EDIL3: variants seen among roughly 807,000 people sequenced by gnomAD.
EDIL3 encodes EGF like and discoidin domains 3.
A neutral mutation model predicts 67.4 loss-of-function variants in EDIL3; 37 were observed. The ratio of observed to expected loss-of-function variants is 0.55; its 90% confidence interval spans 0.42 to 0.72. EDIL3 has a LOEUF of 0.72. Among genes scored for constraint, EDIL3 ranks in the 30% least tolerant of loss-of-function variants. The probability of loss-of-function intolerance (pLI) is 0.00; values close to 1 mark genes in which losing one functional copy is unlikely to be tolerated. For missense variants in EDIL3, 527 were observed against 586.3 expected (o/e 0.90, Z 1.04); for synonymous variants, 195 against 196.3 (o/e 0.99, Z 0.05).
chr5:83,944,665 T>A (rs1208678803), intron 10 of EDIL3, among the ~76,000 whole-genome samples: 2 of 151,936 alleles, frequency 1.3e-5, no homozygotes, highest in African/African-American at 4.8e-5. Flanking sequence ...CTATTTTATA[T>A]CTACATTTTT....
At chr5:83,968,412 T>G (rs1010464783) in intron 9 of EDIL3, among the ~76,000 whole-genome samples, 5 of 152,118 alleles carry the variant, frequency 3.3e-5, no homozygotes, top group Non-Finnish European at 5.9e-5. Context: ...CAATTGCTTT[T>G]TTCATGTAAT....
rs566211766 is a variant in EDIL3 at position 84,229,984 on chromosome 5, A to T, written c.197-100T>A. The T allele has an allele frequency of 1.3e-4, 147 of 1,098,520 alleles. 1 individual carries two copies. In the South Asian group the frequency reaches 2.2e-3, roughly 16 times the overall value. 68.0% of individuals were successfully genotyped at this position (1,098,520 alleles called of 1,614,324 possible). A position where few individuals can be genotyped will look rare whatever the true frequency, so the allele number is the denominator to read the frequency against. On this transcript the variant is annotated intron_variant, in intron 2 of 10. Coordinates refer to ENST00000296591, the MANE Select transcript of EDIL3 (RefSeq NM_005711.5). ...AGAGAAAAAGAGATATTGAGATTGA[A>T]CATAAATATATTTCACATTTCCAAA...
intron 5 of EDIL3, among the ~76,000 whole-genome samples, chr5:84,111,011 G>T (rs1415240466): frequency 1.3e-5 from 2 of 152,128 alleles, no homozygotes; most frequent in Non-Finnish European, 2.9e-5. Context: ...ACTGGATCAT[G>T]GGGACGGGCT....
At chr5:84,003,997 G>GAAA (rs367584038) in intron 9 of EDIL3, among the ~76,000 whole-genome samples, 4 of 119,402 alleles carry the variant, frequency 3.4e-5, no homozygotes, top group African/African-American at 1.2e-4. Context: ...CAAGCAAAAA[G>GAAA]AAAAAAAAAA....
chr5:84,153,823 T>C (rs1228928911), intron 4 of EDIL3, among the ~76,000 whole-genome samples: 2 of 152,210 alleles, frequency 1.3e-5, no homozygotes, highest in Non-Finnish European at 2.9e-5. Context: ...TGTTCTGTAG[T>C]CATGTTCCAG....
chr5:83,963,348 C>A lies in EDIL3; in HGVS notation c.1150G>T (p.Val384Phe). The A allele has an allele frequency of 6.3e-7, 1 of 1,599,324 alleles. No homozygotes were observed. The highest frequency in any genetic ancestry group is 8.5e-7 in the Non-Finnish European group (1 of 1,174,474). ...ATGATGCCAGTCACTTTGGTTGGAA[C>A]AAGAAGATCCACCTTAAAAAAAAGA... ...QSQWLQVDLL[V>F]PTKVTGIITQ... The change falls in exon 10 of 11, where the codon GTT (valine) becomes TTT (phenylalanine). Residue 384 changes from valine to phenylalanine, a missense_variant. Around this residue, in one of 2 missense-constraint regions of EDIL3, gnomAD observed 494 missense variants for 522.5 expected, o/e 0.95. Transcript: ENST00000296591.
chr5:83,959,073 T>A (rs1237120615), intron 10 of EDIL3, among the ~76,000 whole-genome samples: 2 of 150,866 alleles, frequency 1.3e-5, no homozygotes, highest in East Asian at 3.9e-4. Flanking sequence ...AGGAGGGTAT[T>A]CAAAAACTGA....
chr5:84,141,924 CACATAT>C (rs1561443737), intron 4 of EDIL3, among the ~76,000 whole-genome samples: 12 of 128,706 alleles, frequency 9.3e-5, no homozygotes, highest in Admixed American at 7.4e-4. Flanking sequence ...TATATATATA[CACATAT>C]ATATATATAT....
chr5:84,174,656 A>G (rs532552439), intron 4 of EDIL3, among the ~76,000 whole-genome samples: 20 of 152,250 alleles, frequency 1.3e-4, no homozygotes, highest in South Asian at 1.2e-3. Context: ...TGTTAGGCAG[A>G]GAACCTCTTC....
At chr5:84,122,908 C>T (rs994215122) in intron 5 of EDIL3, among the ~76,000 whole-genome samples, 1 of 151,828 alleles carries the variant, frequency 6.6e-6, no homozygotes, top group Non-Finnish European at 1.5e-5. Context: ...CTTTAGTTTT[C>T]TAAGATTGAA....
At chr5:84,140,483 T>C (rs1307733043) in intron 4 of EDIL3, among the ~76,000 whole-genome samples, 1 of 152,130 alleles carries the variant, frequency 6.6e-6, no homozygotes, top group Non-Finnish European at 1.5e-5. Context: ...AATCAACCTT[T>C]AAACCTTCCA....
chr5:84,337,548 T>A (rs2112173048), intron 1 of EDIL3, among the ~76,000 whole-genome samples: 2 of 152,194 alleles, frequency 1.3e-5, no homozygotes, highest in East Asian at 3.9e-4. Context: ...AAACTAGATT[T>A]AAAAAAATCA....
At chr5:84,121,538 GATCTATCTATCTATCTATCT>G (rs3046833) in intron 5 of EDIL3, among the ~76,000 whole-genome samples, 1 of 129,804 alleles carries the variant, frequency 7.7e-6, no homozygotes, top group Non-Finnish European at 1.8e-5. Flanking sequence ...AACTTAGATC[GATCTATCTATCTATCTATCT>G]ATCTATCTAT....
intron 9 of EDIL3, among the ~76,000 whole-genome samples, chr5:83,970,659 A>G (rs201899459): frequency 0.063 from 8,828 of 140,826 alleles, 415 homozygotes; most frequent in Middle Eastern, 0.13. Context: ...ATATATATAT[A>G]TATATATATA....
chr5:84,324,788 G>T (rs888736942), intron 1 of EDIL3, among the ~76,000 whole-genome samples: 5 of 151,444 alleles, frequency 3.3e-5, no homozygotes, highest in Non-Finnish European at 7.4e-5. Context: ...ATTCTACATC[G>T]ACAAATTACA....
At chr5:84,229,936 G>A (rs1744535921) in intron 2 of EDIL3, 52 bp from the exon 3 acceptor site, 3 of 1,207,766 alleles carry the variant, frequency 2.5e-6, no homozygotes, top group African/African-American at 1.6e-5. Flanking sequence ...TGAAGGGAGG[G>A]AGAAGGGGGG....
chr5:84,136,078 T>C (rs1244172942), intron 5 of EDIL3, among the ~76,000 whole-genome samples: 3 of 152,188 alleles, frequency 2.0e-5, no homozygotes, highest in Admixed American at 6.6e-5. Flanking sequence ...TGTCTGTGTC[T>C]GTGATAAAGA....
chr5:84,253,943 C>G (rs1348846150), intron 2 of EDIL3, 141 bp downstream of exon 2: 5 of 735,232 alleles, frequency 6.8e-6, no homozygotes, highest in Non-Finnish European at 9.8e-6. Flanking sequence ...AATGATACAA[C>G]TGAGAATCCT....
intron 1 of EDIL3, among the ~76,000 whole-genome samples, chr5:84,295,604 T>C (rs1746033720): frequency 6.6e-6 from 1 of 152,082 alleles, no homozygotes; most frequent in Non-Finnish European, 1.5e-5. Context: ...GTTCACTGCT[T>C]CATTTCAAAA....
Sources: allele counts gnomAD v4.1 joint callset (sites outside exome capture counted in the v4.1 genomes callset), GRCh38; gene constraint gnomAD v4.1.1; regional missense constraint gnomAD v4.1.1; transcripts MANE v1.5; gene names NCBI Gene and HGNC (gene_info 2026-07-23, HGNC 2026-07-21).